PCLO: variants seen among roughly 807,000 people sequenced by gnomAD.
PCLO encodes piccolo presynaptic cytomatrix protein.
Under a neutral mutation model 427.5 loss-of-function variants are expected in PCLO, and 82 were observed. The observed-to-expected ratio is 0.19, with a 90% confidence interval of 0.16 to 0.23. The LOEUF is 0.23. PCLO is among the 10% of genes least tolerant of loss of function. The pLI is 1.00. For missense variants in PCLO, 6,239 were observed against 6,115.9 expected, an observed-to-expected ratio of 1.02 and a Z score of -0.67; for synonymous variants, 2,357 against 2,155.4, an observed-to-expected ratio of 1.09 and a Z score of -2.59.
At chr7:83,112,896 G>A (rs929536484) in intron 3 of PCLO, among the ~76,000 whole-genome samples, 1 of 152,104 alleles carries the variant, frequency 6.6e-6, no homozygotes, top group African/African-American at 2.4e-5. Context: ...AATCTTTCAA[G>A]CCCGGAGTAA....
chr7:82,957,236 C>A (rs1399085843), intron 4 of PCLO, among the ~76,000 whole-genome samples: 2 of 152,024 alleles, frequency 1.3e-5, no homozygotes, highest in African/African-American at 4.8e-5. Flanking sequence ...GATTACTTTT[C>A]TCAATAAATT....
intron 3 of PCLO, among the ~76,000 whole-genome samples, chr7:83,115,288 G>C (rs1230682355): frequency 6.6e-6 from 1 of 151,976 alleles, no homozygotes; most frequent in Non-Finnish European, 1.5e-5. Flanking sequence ...GAAGTACTTT[G>C]AGATAATGAG....
intron 3 of PCLO, among the ~76,000 whole-genome samples, chr7:83,122,281 CTTTTCTTT>C (rs1465341389): frequency 7.8e-5 from 9 of 115,996 alleles, no homozygotes; most frequent in Non-Finnish European, 1.0e-4. Context: ...TCTTTCTTTT[CTTTTCTTT>C]TTTTTTTTTT....
intron 9 of PCLO, among the ~76,000 whole-genome samples, chr7:82,896,494 A>G (rs923071183): frequency 6.6e-6 from 1 of 151,696 alleles, no homozygotes; most frequent in African/African-American, 2.4e-5. Flanking sequence ...TGGATGAGGG[A>G]TGTTGGAAGC....
At chr7:83,087,709 T>C (rs1019073651) in intron 3 of PCLO, among the ~76,000 whole-genome samples, 1 of 152,084 alleles carries the variant, frequency 6.6e-6, no homozygotes, top group African/African-American at 2.4e-5. Flanking sequence ...AAAAAGTAAA[T>C]GTTATTAAAC....
intron 6 of PCLO, among the ~76,000 whole-genome samples, chr7:82,932,716 T>C (rs1304514342): frequency 6.6e-6 from 1 of 152,110 alleles, no homozygotes; most frequent in Non-Finnish European, 1.5e-5. Context: ...TGACTTTTAC[T>C]ACATAAAGGT....
intron 10 of PCLO, among the ~76,000 whole-genome samples, chr7:82,855,271 C>G (rs114321402): frequency 6.6e-6 from 1 of 152,052 alleles, no homozygotes; most frequent in Non-Finnish European, 1.5e-5. Flanking sequence ...TAGTTTTAAT[C>G]TGTTATACTA....
At chr7:83,036,765 T>G (rs1788806584) in intron 3 of PCLO, among the ~76,000 whole-genome samples, 1 of 152,074 alleles carries the variant, frequency 6.6e-6, no homozygotes, top group Non-Finnish European at 1.5e-5. Flanking sequence ...GTCTGCAAAT[T>G]ATTACCCTTG....
intron 6 of PCLO, among the ~76,000 whole-genome samples, chr7:82,936,159 A>G (rs979402653): frequency 2.0e-5 from 3 of 151,794 alleles, no homozygotes; most frequent in Non-Finnish European, 1.5e-5. Flanking sequence ...TAGATAGACC[A>G]TATGTTAGGC....
chr7:83,104,783 AAAG>A (rs1790814233), intron 3 of PCLO, among the ~76,000 whole-genome samples: 1 of 152,260 alleles, frequency 6.6e-6, no homozygotes, highest in African/African-American at 2.4e-5. Flanking sequence ...GAGATCAAAG[AAAG>A]AAGTGACACA....
At chr7:83,045,866 A>G (rs1043626598) in intron 3 of PCLO, among the ~76,000 whole-genome samples, 15 of 152,052 alleles carry the variant, frequency 9.9e-5, no homozygotes, top group African/African-American at 3.6e-4. Flanking sequence ...CAACACTTAG[A>G]TTCTTGCCTG....
At chr7:82,985,132 C>G (rs541663498) in intron 3 of PCLO, among the ~76,000 whole-genome samples, 1 of 152,046 alleles carries the variant, frequency 6.6e-6, no homozygotes, top group South Asian at 2.1e-4. Flanking sequence ...TGACCTGATA[C>G]ATGGCCATGT....
chr7:82,876,710 T>C (rs1190362052), intron 10 of PCLO, among the ~76,000 whole-genome samples: 1 of 152,108 alleles, frequency 6.6e-6, no homozygotes, highest in East Asian at 1.9e-4. Context: ...AAATATTTAA[T>C]GTTCAGAACC....
At chr7:82,837,107 G>A (rs539435751) in intron 15 of PCLO, among the ~76,000 whole-genome samples, 1 of 152,068 alleles carries the variant, frequency 6.6e-6, no homozygotes, top group African/African-American at 2.4e-5. Flanking sequence ...CTTATACGAG[G>A]TATTAAGGCT....
intron 6 of PCLO, among the ~76,000 whole-genome samples, chr7:82,923,366 G>A (rs1584160200): frequency 6.6e-6 from 1 of 151,994 alleles, no homozygotes; most frequent in East Asian, 1.9e-4. Flanking sequence ...CAACAGAGAG[G>A]GGAAAAATGC....
In PCLO at chr7:83,162,347, G is replaced by A. The variant is rs777602896; in HGVS notation, c.246C>T (p.His82=). 3.8e-6 allele frequency: 6 copies of A among 1,598,122 alleles called. No homozygotes were observed. Among genetic ancestry groups the A allele is most frequent in the Admixed American group, 1.7e-5 (1 of 58,560 alleles). Residue 82 remains histidine, a splice_region_variant and synonymous_variant, in exon 1 of 25, where the codon CAC becomes CAT. Coordinates refer to ENST00000333891, the MANE Select transcript of PCLO (RefSeq NM_033026.6). ...PPAAAESPSM[H]RKQELDSSHP... is the part of the protein sequence containing the mutation. The stretch of plus-strand genomic sequence containing the variant: ...CATATACATCATGCTGTGCATGCCT[G>A]TGCATGGAAGGCGACTCCGCAGCGG...
intron 20 of PCLO, among the ~76,000 whole-genome samples, chr7:82,819,473 G>C (rs967843411): frequency 2.6e-5 from 2 of 76,304 alleles, no homozygotes; most frequent in African/African-American, 9.4e-5. Context: ...ATTTATAATT[G>C]AAAGAATATT....
chr7:82,945,461 C>T (rs1331253270), intron 6 of PCLO, among the ~76,000 whole-genome samples: 2 of 152,098 alleles, frequency 1.3e-5, no homozygotes, highest in Non-Finnish European at 2.9e-5. Context: ...CCTATTTGAA[C>T]ATAGGGTCTT....
chr7:82,879,362 C>T lies in PCLO; in HGVS notation c.13629G>A (p.Ala4543=), dbSNP rs771864365. 16 of 1,612,134 alleles carry T rather than the reference C, an allele frequency of 9.9e-6. No individual in the cohort carries two copies. The highest frequency in any genetic ancestry group is 1.3e-5 in the African/African-American group (1 of 74,820). Residue 4543 remains alanine, a synonymous_variant, in exon 10 of 25, where the codon GCG becomes GCA. Transcript: ENST00000333891. ...CTTCCATAAGCTTCCCCGTCTGTTCCGCACTTCCCCCAGGAAGAATCTTGG... is the reference window on the plus strand; with the variant it reads ...CTTCCATAAGCTTCCCCGTCTGTTCTGCACTTCCCCCAGGAAGAATCTTGG... ...YIAKILPGGS[A]EQTGKLMEGM...
Sources: gnomAD v4.1 joint callset for allele counts (sites outside exome capture counted in the v4.1 genomes callset) on GRCh38, gnomAD v4.1.1 for gene constraint, MANE v1.5 for transcripts, NCBI Gene and HGNC (gene_info 2026-07-23, HGNC 2026-07-21) for gene names.